The following TDRD12 variants were observed in gnomAD, a reference collection of about 807,000 sequenced individuals.
TDRD12 encodes the protein tudor domain containing 12.
A neutral mutation model predicts 133.5 loss-of-function variants in TDRD12; 158 were observed. The ratio of observed to expected loss-of-function variants is 1.18; its 90% CI spans 1.04 to 1.35. The LOEUF is 1.35. Ranked by LOEUF, TDRD12 falls within the 40% of genes most tolerant of loss-of-function variation. The pLI, the probability that TDRD12 is intolerant of heterozygous loss-of-function variation, is 0.00. For synonymous variants in TDRD12, 460 were observed against 477.9 expected, an observed-to-expected ratio of 0.96 and a Z score of 0.49; for missense variants, 1,443 against 1,321.3, an observed-to-expected ratio of 1.09 and a Z score of -1.43.
At chr19:32,757,400 G>C (rs1304844345) in intron 8 of TDRD12, among the ~76,000 whole-genome samples, 6 of 152,146 alleles carry the variant, frequency 3.9e-5, no homozygotes, top group East Asian at 1.9e-4. Flanking sequence ...AGTAATCACT[G>C]TCTGTCCCTA....
At chr19:32,790,872 A>G (rs1712373329) in intron 12 of TDRD12, 92 bp from the exon 13 acceptor site, 1 of 1,477,264 alleles carries the variant, frequency 6.8e-7, no homozygotes, top group South Asian at 1.4e-5. Context: ...TTACATTGAA[A>G]TCTATATTTT....
At chr19:32,811,816 C>T (rs1367613613) in intron 24 of TDRD12, among the ~76,000 whole-genome samples, 1 of 152,150 alleles carries the variant, frequency 6.6e-6, no homozygotes, top group Non-Finnish European at 1.5e-5. Context: ...CTGCAATGAT[C>T]TATGATCGTG....
chr19:32,780,634 C>T (rs1970736232), intron 11 of TDRD12, among the ~76,000 whole-genome samples: 2 of 152,122 alleles, frequency 1.3e-5, no homozygotes, highest in African/African-American at 4.8e-5. Context: ...CCACTCTCCC[C>T]ACGTCATGAT....
chr19:32,803,342 A>T (rs1971455594), intron 21 of TDRD12, among the ~76,000 whole-genome samples, 200 bp downstream of exon 21: 1 of 152,026 alleles, frequency 6.6e-6, no homozygotes, highest in African/African-American at 2.4e-5. Context: ...CATGATTTTG[A>T]ACTCCATAGA....
intron 9 of TDRD12, among the ~76,000 whole-genome samples, chr19:32,773,207 G>T (rs183350267): frequency 1.3e-5 from 2 of 152,314 alleles, no homozygotes; most frequent in African/African-American, 4.8e-5. Flanking sequence ...GAAAGTAATT[G>T]CAGGACATTT....
At chr19:32,752,032 C>T (rs902330039) in intron 6 of TDRD12, among the ~76,000 whole-genome samples, 7 of 151,868 alleles carry the variant, frequency 4.6e-5, no homozygotes, top group Non-Finnish European at 7.4e-5. Flanking sequence ...CATCATCACA[C>T]GCAGCTAATT....
At chr19:32,769,061 C>A (rs191558136) in intron 8 of TDRD12, among the ~76,000 whole-genome samples, 1 of 152,166 alleles carries the variant, frequency 6.6e-6, no homozygotes, top group East Asian at 1.9e-4. Flanking sequence ...AAAATATATT[C>A]TGGAGACGTC....
chr19:32,811,069 C>T, intron 23 of TDRD12, 141 bp from the exon 24 acceptor site: 5 of 626,330 alleles, frequency 8.0e-6, no homozygotes, highest in Admixed American at 3.0e-5. Flanking sequence ...TTTTTGAAGG[C>T]CTTAGTTTTT....
chr19:32,756,020 A>G, exon 7 of TDRD12: 2 of 1,468,506 alleles, frequency 1.4e-6, no homozygotes, highest in Non-Finnish European at 8.9e-7. Context: ...CTTGTTGCAA[A>G]GAACTATGCT....
At chr19:32,821,995 C>T (rs888919342), downstream of TDRD12, among the ~76,000 whole-genome samples, 3 of 152,060 alleles carry the variant, frequency 2.0e-5, no homozygotes. Flanking sequence ...TGGGGGGGCA[C>T]CTGTAATTCC....
At chr19:32,818,151 G>A (rs575278899) in exon 27 of TDRD12, 5 of 702,214 alleles carry the variant, frequency 7.1e-6, no homozygotes, top group Middle Eastern at 4.6e-4. Context: ...GAGCAGGGGG[G>A]GCAGGGGTGA....
intron 11 of TDRD12, among the ~76,000 whole-genome samples, chr19:32,782,111 TC>T (rs1223372293): frequency 5.3e-5 from 8 of 150,790 alleles, no homozygotes. Flanking sequence ...TTGTTATCCC[TC>T]CCCTAGCCCC....
chr19:32,720,091 C>A, exon 1 of TDRD12: 1 of 1,548,198 alleles, frequency 6.5e-7, no homozygotes, highest in South Asian at 1.2e-5. Context: ...GCTCCTGGTG[C>A]TGAAGGTGAG....
chr19:32,728,993 T>C (rs1170526747), intron 1 of TDRD12, among the ~76,000 whole-genome samples: 3 of 150,434 alleles, frequency 2.0e-5, no homozygotes, highest in African/African-American at 7.3e-5. Flanking sequence ...CCACAGCTTG[T>C]GTGTGTGTAT....
intron 14 of TDRD12, 91 bp downstream of exon 14, chr19:32,794,904 A>G (rs572033727): frequency 4.8e-6 from 3 of 627,320 alleles, no homozygotes; most frequent in African/African-American, 1.8e-5. Context: ...GTCGTCTATT[A>G]CTCAGTTTGG....
intron 6 of TDRD12, among the ~76,000 whole-genome samples, chr19:32,751,198 G>A (rs977757730): frequency 7.0e-6 from 1 of 143,874 alleles, no homozygotes; most frequent in Non-Finnish European, 1.5e-5. Context: ...GCGAGAACAT[G>A]CAGTGTTTGT....
At chr19:32,731,810 G>C in exon 2 of TDRD12, 2 of 1,551,364 alleles carry the variant, frequency 1.3e-6, no homozygotes, top group East Asian at 2.4e-5. Context: ...AAATTAAATA[G>C]TGCCATGAAT....
intron 2 of TDRD12, among the ~76,000 whole-genome samples, chr19:32,737,451 C>T (rs1485969712): frequency 6.6e-6 from 1 of 152,162 alleles, no homozygotes; most frequent in Admixed American, 6.5e-5. Flanking sequence ...GTGATCCACT[C>T]ACCTCGACCT....
chr19:32,732,662 G>C (rs1969095162), intron 2 of TDRD12, among the ~76,000 whole-genome samples: 1 of 152,180 alleles, frequency 6.6e-6, no homozygotes. Context: ...CTACTTTTCA[G>C]AAGAGAGTGA....
Sources: gnomAD v4.1 joint callset for allele counts (sites outside exome capture counted in the v4.1 genomes callset) on GRCh38, gnomAD v4.1.1 for gene constraint, MANE v1.5 for transcripts, NCBI Gene and HGNC (gene_info 2026-07-23, HGNC 2026-07-21) for gene names.